Variants in STRA8 observed in about 807,000 individuals in gnomAD.
STRA8 encodes stimulated by retinoic acid 8, also known as stimulated by retinoic acid gene 8 protein homolog.
STRA8 carries 18 observed loss-of-function variants against 37.1 expected under a neutral mutation model. The observed-to-expected ratio is 0.48, with a 90% CI of 0.34 to 0.72. STRA8 has a LOEUF of 0.72. Ranked by LOEUF, STRA8 falls within the 30% of genes least tolerant of loss-of-function variation. STRA8 has a pLI of 0.01. For missense variants in STRA8, 357 were observed against 410.4 expected, an observed-to-expected ratio of 0.87 and a Z score of 1.13; for synonymous variants, 168 against 162.9, an observed-to-expected ratio of 1.03 and a Z score of -0.24.
At chr7:135,233,153 G>T (rs1832317889), upstream of STRA8, among the ~76,000 whole-genome samples, 1 of 152,182 alleles carries the variant, frequency 6.6e-6, no homozygotes, top group Non-Finnish European at 1.5e-5. Flanking sequence ...AAGGAAAAAT[G>T]AATTTTTTTT....
chr7:135,255,057 G>A (rs907998007), intron 7 of STRA8, 57 bp from the exon 8 acceptor site: 1 of 1,364,656 alleles, frequency 7.3e-7, no homozygotes, highest in East Asian at 2.3e-5. Flanking sequence ...GGGGGAAGCA[G>A]AGTTGAAAGA....
intron 1 of STRA8, among the ~76,000 whole-genome samples, chr7:135,239,923 T>A (rs1278831278): frequency 6.6e-6 from 1 of 152,200 alleles, no homozygotes; most frequent in Non-Finnish European, 1.5e-5. Flanking sequence ...AGAAAAATTC[T>A]CGAGTCTAAA....
In STRA8 at chr7:135,246,305, A is replaced by AGCCGTGGC. The variant is rs1410014565; in HGVS notation, c.594-103_594-96dup. 5.7e-6 allele frequency: 8 copies of AGCCGTGGC among 1,396,622 alleles called. No individual in the cohort carries two copies. The African/African-American group carries it at 1.2e-4, about 20-fold the overall frequency. 86.5% of individuals were successfully genotyped at this position (1,396,622 alleles called of 1,614,324 possible). Reference sequence around the variant, plus strand: ...AGTCTGAGAAGTCTCAGCCCTGGTGAGCCGTGGCGCCGTGGCCGGGCCTGC... The same window carrying AGCCGTGGC: ...AGTCTGAGAAGTCTCAGCCCTGGTGAGCCGTGGCGCCGTGGCGCCGTGGCCGGGCCTGC... On this transcript the variant is annotated intron_variant, in intron 5 of 8. Transcript: ENST00000662584. The surrounding 1 kb of genome is among the most constrained non-coding windows in gnomAD (Gnocchi z 5.4).
chr7:135,253,696 G>A (rs1335900631), intron 7 of STRA8, among the ~76,000 whole-genome samples: 1 of 152,212 alleles, frequency 6.6e-6, no homozygotes, highest in South Asian at 2.1e-4. Flanking sequence ...TGTTTTCTGA[G>A]AGAAATCCTT....
intron 6 of STRA8, among the ~76,000 whole-genome samples, chr7:135,250,225 C>T (rs1832617987): frequency 1.3e-5 from 2 of 152,186 alleles, no homozygotes; most frequent in Non-Finnish European, 2.9e-5. Context: ...GCTGTGGAGC[C>T]TGGTCTGGGG....
intron 8 of STRA8, among the ~76,000 whole-genome samples, chr7:135,257,973 T>C (rs1427762965): frequency 6.6e-6 from 1 of 152,256 alleles, no homozygotes; most frequent in African/African-American, 2.4e-5. Context: ...TACACATTGC[T>C]TTGCACTTTG....
intron 1 of STRA8, among the ~76,000 whole-genome samples, chr7:135,234,590 G>A (rs1832343436): frequency 6.6e-6 from 1 of 152,220 alleles, no homozygotes. Context: ...TGGAGAAGGT[G>A]AGGGCATTTT....
intron 8 of STRA8, among the ~76,000 whole-genome samples, chr7:135,256,205 A>G (rs1409619025): frequency 6.6e-6 from 1 of 152,238 alleles, no homozygotes; most frequent in Non-Finnish European, 1.5e-5. Context: ...TTGTCTAAAA[A>G]TAGTCAAGAC....
In STRA8 at chr7:135,242,862, G is replaced by A. The variant is rs1832488407; in HGVS notation, c.268+6G>A. 6.2e-7 allele frequency: 1 copy of A among 1,614,194 alleles called. No homozygotes were observed. Among genetic ancestry groups the A allele is most frequent in the Middle Eastern group, 1.6e-4 (1 of 6,062 alleles). On this transcript the variant is annotated splice_donor_region_variant and intron_variant, in intron 3 of 8. Coordinates refer to ENST00000662584, the MANE Select transcript of STRA8 (RefSeq NM_001394401.1). Reference sequence around the variant, plus strand: ...TAATTTGCTGAAGCTGAAAGGTAATGGAGCACTACTTGCCAACCCCATCTC... The same window carrying A: ...TAATTTGCTGAAGCTGAAAGGTAATAGAGCACTACTTGCCAACCCCATCTC...
rs770214183 is a variant in STRA8 at position 135,245,349 on chromosome 7, AG to A, written c.417del (p.Lys140ArgfsTer42). On this transcript the variant is annotated frameshift_variant, in exon 5 of 9. Transcript: ENST00000662584. LOFTEE classifies it high-confidence loss of function. ...SSPWCPTEAVRKDAEEEEDEE... is the reference protein window; with the variant it reads ...SSPWCPTEAVXKDAEEEEDEE... ...CCCTTGGTGCCCAACTGAGGCAGTC[AG>A]GAAGGATGCTGAGGAGGAGGAAGAT... 5.1e-6 allele frequency: 4 copies of A among 780,750 alleles called. No homozygotes were observed. In the East Asian group the frequency reaches 9.7e-5, roughly 19 times the overall value. 48.4% of individuals were successfully genotyped at this position (780,750 alleles called of 1,614,324 possible).
rs1470878880 is a variant in STRA8 at position 135,244,711 on chromosome 7, CAT to C, written c.354-576_354-575del. Among the ~76,000 whole-genome samples, 23 of 152,290 alleles carry C rather than the reference CAT, an allele frequency of 1.5e-4. No homozygotes were observed. The East Asian group carries it at 3.7e-3, about 24-fold the overall frequency. ...TAAATTCCCTTCTTGGTTCTAATGA[CAT>C]GTGTGTAGATTATTTGAGATTTTTC... On this transcript the variant is annotated intron_variant, in intron 4 of 8. Transcript: ENST00000662584.
At chr7:135,240,351 T>C (rs960443583) in intron 1 of STRA8, among the ~76,000 whole-genome samples, 168 bp from the exon 2 acceptor site, 2 of 152,176 alleles carry the variant, frequency 1.3e-5, no homozygotes, top group Non-Finnish European at 2.9e-5. Context: ...TTCTCAAATT[T>C]CTCTCACTGT....
At chr7:135,233,739 C>T (rs1373962238), upstream of STRA8, among the ~76,000 whole-genome samples, 1 of 152,208 alleles carries the variant, frequency 6.6e-6, no homozygotes, top group Non-Finnish European at 1.5e-5. Context: ...CACGCATCCC[C>T]ATTGGCTGTG....
rs1562971584 is a variant in STRA8 at position 135,246,820 on chromosome 7, A to C, written c.879+118A>C. ...AGGTGCAGTTTGCCTTCTGGCTCCC[A>C]AGGTCGGTTTCTGATTTTCTTTTTT... On this transcript the variant is annotated intron_variant, in intron 6 of 8. Coordinates refer to ENST00000662584, the MANE Select transcript of STRA8 (RefSeq NM_001394401.1). This position sits in a 1 kb window ranked among gnomAD's most constrained non-coding sequence, Gnocchi z 5.4. 1 of 1,086,918 alleles carries C rather than the reference A, an allele frequency of 9.2e-7. No individual in the cohort carries two copies. The highest frequency in any genetic ancestry group is 1.3e-6 in the Non-Finnish European group (1 of 796,994). 67.3% of individuals were successfully genotyped at this position (1,086,918 alleles called of 1,614,324 possible).
chr7:135,236,175 C>G (rs556868941), intron 1 of STRA8, among the ~76,000 whole-genome samples: 2 of 151,822 alleles, frequency 1.3e-5, no homozygotes, highest in Admixed American at 1.3e-4. Flanking sequence ...AATGCCAACA[C>G]TTTAGGAGGC....
intron 8 of STRA8, among the ~76,000 whole-genome samples, chr7:135,257,929 T>C (rs966264432): frequency 6.6e-6 from 1 of 152,248 alleles, no homozygotes; most frequent in African/African-American, 2.4e-5. Context: ...AGATATTATA[T>C]ATTCTTTCAA....
chr7:135,252,013 A>AGTGAGT (rs1554407998), intron 7 of STRA8, 144 bp downstream of exon 7: 1 of 503,870 alleles, frequency 2.0e-6, no homozygotes, highest in Non-Finnish European at 3.6e-6. Flanking sequence ...AGAGAGAGAG[A>AGTGAGT]GTGTGTGTGT....
intron 7 of STRA8, among the ~76,000 whole-genome samples, chr7:135,252,522 G>A (rs558137093): frequency 1.3e-5 from 2 of 152,280 alleles, no homozygotes; most frequent in African/African-American, 4.8e-5. Flanking sequence ...TTCTGTGATT[G>A]GAAGTGAGCT....
intron 1 of STRA8, among the ~76,000 whole-genome samples, chr7:135,236,808 C>A (rs1053086852): frequency 1.2e-4 from 19 of 152,124 alleles, no homozygotes; most frequent in African/African-American, 4.6e-4. Context: ...CATCCCCACG[C>A]TTGGGAGATT....
Sources: gnomAD v4.1 joint callset for allele counts (sites outside exome capture counted in the v4.1 genomes callset) on GRCh38, gnomAD v4.1.1 for gene constraint, Gnocchi (gnomAD v3.1) non-coding constraint, MANE v1.5 for transcripts, NCBI Gene and HGNC (gene_info 2026-07-23, HGNC 2026-07-21) for gene names.